The following FHIT variants were observed in gnomAD, a reference collection of about 807,000 sequenced individuals.
FHIT encodes the protein fragile histidine triad diadenosine triphosphatase.
FHIT carries 19 observed loss-of-function variants against 17.9 expected under a neutral mutation model. The observed-to-expected ratio is 1.06, with a 90% CI of 0.74 to 1.56. The LOEUF (loss-of-function observed/expected upper bound fraction) is 1.56, where lower values mean the gene tolerates loss of function less well. Ranked by LOEUF, FHIT falls within the 40% of genes most tolerant of loss-of-function variation. The probability of loss-of-function intolerance (pLI) is 0.00; values close to 1 mark genes in which losing one functional copy is unlikely to be tolerated. For synonymous variants in FHIT, 81 were observed against 69.7 expected (o/e 1.16, Z -0.81); for missense variants, 248 against 189.2 (o/e 1.31, Z -1.82).
intron 5 of FHIT, among the ~76,000 whole-genome samples, chr3:60,038,679 G>A (rs929589797): frequency 2.2e-5 from 3 of 134,252 alleles, no homozygotes; most frequent in Non-Finnish European, 4.8e-5. Context: ...TTTTTAAGCT[G>A]AAAAAGTTGC....
At chr3:60,928,097 T>C (rs984523944) in intron 3 of FHIT, among the ~76,000 whole-genome samples, 1 of 152,102 alleles carries the variant, frequency 6.6e-6, no homozygotes, top group African/African-American at 2.4e-5. Context: ...ATTAAACAGA[T>C]GCTTGAAGGC....
At chr3:60,558,845 C>T (rs2036833968) in intron 4 of FHIT, among the ~76,000 whole-genome samples, 1 of 152,186 alleles carries the variant, frequency 6.6e-6, no homozygotes, top group South Asian at 2.1e-4. Flanking sequence ...GCTCATTTCA[C>T]TTTTCGGCTT....
chr3:60,390,741 A>G (rs989240287), intron 5 of FHIT, among the ~76,000 whole-genome samples: 2 of 152,148 alleles, frequency 1.3e-5, no homozygotes, highest in African/African-American at 4.8e-5. Flanking sequence ...GAAAAAAAAC[A>G]AAATCTAATA....
At chr3:60,735,715 A>G (rs1183234319) in intron 4 of FHIT, among the ~76,000 whole-genome samples, 1 of 152,226 alleles carries the variant, frequency 6.6e-6, no homozygotes, top group Non-Finnish European at 1.5e-5. Flanking sequence ...GGAGGCAAAA[A>G]GCTCTTAACT....
At chr3:60,302,879 C>T (rs1357508648) in intron 5 of FHIT, among the ~76,000 whole-genome samples, 2 of 152,282 alleles carry the variant, frequency 1.3e-5, no homozygotes, top group East Asian at 1.9e-4. Flanking sequence ...GTATCTTAGA[C>T]AAGACTGCCT....
intron 8 of FHIT, among the ~76,000 whole-genome samples, chr3:59,767,512 G>C (rs1258348569): frequency 6.6e-6 from 1 of 152,096 alleles, no homozygotes; most frequent in East Asian, 1.9e-4. Flanking sequence ...AAGAAAAATG[G>C]AGTGGTGTTC....
intron 4 of FHIT, among the ~76,000 whole-genome samples, chr3:60,629,418 A>G (rs986664490): frequency 6.6e-6 from 1 of 152,160 alleles, no homozygotes. Flanking sequence ...GAGTTTCTTT[A>G]TATTTTTCAT....
intron 4 of FHIT, among the ~76,000 whole-genome samples, chr3:60,557,610 T>C (rs2036786289): frequency 6.6e-6 from 1 of 151,718 alleles, no homozygotes; most frequent in South Asian, 2.1e-4. Context: ...TGGCTCTGCC[T>C]CATCTGCTTG....
chr3:60,509,223 T>A (rs1416754412), intron 5 of FHIT, among the ~76,000 whole-genome samples: 1 of 152,178 alleles, frequency 6.6e-6, no homozygotes, highest in African/African-American at 2.4e-5. Context: ...TGGAGCTACA[T>A]CACTTCAATG....
intron 7 of FHIT, among the ~76,000 whole-genome samples, chr3:60,000,182 T>C (rs1478949625): frequency 6.6e-6 from 1 of 152,168 alleles, no homozygotes; most frequent in Non-Finnish European, 1.5e-5. Context: ...TCCGATCCTT[T>C]AGAGTGTAGG....
At chr3:61,001,819 T>G (rs1046984146) in intron 3 of FHIT, among the ~76,000 whole-genome samples, 2 of 152,214 alleles carry the variant, frequency 1.3e-5, no homozygotes, top group African/African-American at 4.8e-5. Context: ...AGTACCTGCA[T>G]AACTGGTCAA....
intron 5 of FHIT, among the ~76,000 whole-genome samples, chr3:60,182,435 T>C (rs73831975): frequency 0.011 from 1,618 of 152,270 alleles, 24 homozygotes; most frequent in African/African-American, 0.037. Flanking sequence ...TTAGGTTGCA[T>C]CTAGTCACTA....
intron 8 of FHIT, among the ~76,000 whole-genome samples, chr3:59,768,665 A>C (rs1701922152): frequency 6.6e-6 from 1 of 152,240 alleles, no homozygotes; most frequent in African/African-American, 2.4e-5. Context: ...CCATGACCTT[A>C]TAAAACCAAA....
intron 5 of FHIT, among the ~76,000 whole-genome samples, chr3:60,483,676 T>G (rs1376363343): frequency 1.3e-5 from 2 of 152,132 alleles, no homozygotes; most frequent in Non-Finnish European, 2.9e-5. Flanking sequence ...ATGGGACATA[T>G]CTCAAAATAA....
Position 59,748,368 on chromosome 3 carries a change from G to GATGGTAAAGAAA in FHIT, c.*1205_*1216dup, listed in dbSNP as rs1700711750. Reference sequence around the variant, plus strand: ...TGATGTTTATTTAGGCATGTGGTCAGATGGTAAAGAAAAGAAAGTGGGAGG... The same window carrying GATGGTAAAGAAA: ...TGATGTTTATTTAGGCATGTGGTCAGATGGTAAAGAAAATGGTAAAGAAAAGAAAGTGGGAGG... On this transcript the variant is annotated 3_prime_UTR_variant, in exon 10 of 10. Transcript: ENST00000492590. Among the ~76,000 whole-genome samples the GATGGTAAAGAAA allele has an allele frequency of 1.3e-5, 2 of 152,114 alleles. No homozygotes were observed. Among genetic ancestry groups the GATGGTAAAGAAA allele is most frequent in the Admixed American group, 6.6e-5 (1 of 15,264 alleles).
intron 5 of FHIT, among the ~76,000 whole-genome samples, chr3:60,274,713 C>T (rs1707037781): frequency 6.6e-6 from 1 of 152,062 alleles, no homozygotes; most frequent in Admixed American, 6.5e-5. Flanking sequence ...TCTTGGACTC[C>T]ACTAAAATGA....
chr3:60,845,766 G>T (rs1462164620), intron 3 of FHIT, among the ~76,000 whole-genome samples: 3 of 152,102 alleles, frequency 2.0e-5, no homozygotes, highest in African/African-American at 7.2e-5. Flanking sequence ...TCAGCCTGCT[G>T]TAAATGAAAT....
rs1360637156 is a variant in FHIT, at chr3:61,036,922, G to GTTTTTTT, written c.-111+5118_-111+5124dup. ...CTTTGTTTTTTTTTTTTGTTTGTTTGTTTTTTTGAGATGGAGTCTCGCTCT... is the reference window on the plus strand; with the variant it reads ...CTTTGTTTTTTTTTTTTGTTTGTTTGTTTTTTTTTTTTTTGAGATGGAGTCTCGCTCT... On this transcript the variant is annotated intron_variant, in intron 3 of 9. Coordinates refer to ENST00000492590, the MANE Select transcript of FHIT (RefSeq NM_002012.4). 4.0e-4 allele frequency among the ~76,000 whole-genome samples: 39 copies of GTTTTTTT among 96,342 alleles called. 1 individual carries two copies. The highest frequency in any genetic ancestry group is 1.5e-3 in the African/African-American group (39 of 25,272). The allele number at this position is 96,342 out of a possible 152,430, so 63.2% of individuals were successfully genotyped here. A position where few individuals can be genotyped will look rare whatever the true frequency, so the allele number is the denominator to read the frequency against.
At chr3:59,822,030 A>G (rs961351436) in intron 8 of FHIT, among the ~76,000 whole-genome samples, 4 of 152,130 alleles carry the variant, frequency 2.6e-5, no homozygotes, top group Admixed American at 6.5e-5. Flanking sequence ...GCTCCCACAT[A>G]TGACTGAGAA....
Sources: gnomAD v4.1 joint callset for allele counts (sites outside exome capture counted in the v4.1 genomes callset) on GRCh38, gnomAD v4.1.1 for gene constraint, MANE v1.5 for transcripts, NCBI Gene and HGNC (gene_info 2026-07-23, HGNC 2026-07-21) for gene names.